NHSL1: variants seen among roughly 807,000 people sequenced by gnomAD.
NHSL1 encodes NHS-like protein 1.
A neutral mutation model predicts 95.0 loss-of-function variants in NHSL1; 48 were observed. The observed-to-expected ratio is 0.51, with a 90% confidence interval of 0.40 to 0.64. NHSL1 has a LOEUF of 0.64. NHSL1 is among the 30% of genes least tolerant of loss of function. The pLI is 0.00. For missense variants in NHSL1, 1,971 were observed against 2,077.7 expected (o/e 0.95, Z 1.00); for synonymous variants, 783 against 833.9 (o/e 0.94, Z 1.05).
chr6:138,514,163 CA>C (rs1319374491), intron 1 of NHSL1, among the ~76,000 whole-genome samples: 2 of 151,786 alleles, frequency 1.3e-5, no homozygotes, highest in Non-Finnish European at 2.9e-5. Flanking sequence ...CTAAAAATAA[CA>C]AAAATTAGCC....
At chr6:138,480,505 C>T (rs1583271351) in intron 2 of NHSL1, among the ~76,000 whole-genome samples, 1 of 152,162 alleles carries the variant, frequency 6.6e-6, no homozygotes, top group South Asian at 2.1e-4. Context: ...GGCCAGTTGT[C>T]ATTTTTCCGG....
At position 138,568,112 on chromosome 6, in the gene NHSL1, C is replaced by T. The variant is rs115045376; in HGVS notation, c.202+3598G>A. Among the ~76,000 whole-genome samples, 766 of 152,324 alleles carry T rather than the reference C, an allele frequency of 5.0e-3. 9 individuals are homozygous for T. Among genetic ancestry groups the T allele is most frequent in the African/African-American group, 0.017 (726 of 41,570 alleles). On this transcript the variant is annotated intron_variant, in intron 1 of 6. Transcript: ENST00000427025. ...TCCACAGTGCTGGAAAAGCAGCAGG[C>T]ACTCATTAAATCTTGTTCAGTTAAA...
chr6:138,618,957 C>T (rs1210852670), intron 1 of NHSL1, among the ~76,000 whole-genome samples: 1 of 152,200 alleles, frequency 6.6e-6, no homozygotes, highest in Non-Finnish European at 1.5e-5. Context: ...TGTCACTCTA[C>T]CTGCTGCAGG....
upstream of NHSL1, among the ~76,000 whole-genome samples, chr6:138,573,146 C>G (rs1783901594): frequency 6.6e-6 from 1 of 152,178 alleles, no homozygotes; most frequent in South Asian, 2.1e-4. Context: ...CACAAAGAGT[C>G]ATCAGAGAGC....
Position 138,464,121 on chromosome 6 carries a change from C to A in NHSL1, c.339+9185G>T, listed in dbSNP as rs571533433. 5 of 537,116 alleles carry A rather than the reference C, an allele frequency of 9.3e-6. No homozygotes were observed. In the African/African-American group the frequency reaches 9.7e-5, roughly 10 times the overall value. The allele number at this position is 537,116 out of a possible 1,614,324, so 33.3% of individuals were successfully genotyped here. On this transcript the variant is annotated intron_variant, in intron 3 of 7. Coordinates refer to ENST00000343505, the MANE Select transcript of NHSL1 (RefSeq NM_001144060.2). ...GTCAGGTGTTCAGCTATCCTCACCG[C>A]TATCTGGTCCTCGATCTCACTCCGT... is the stretch of plus-strand genomic sequence containing the variant.
chr6:138,554,701 T>A (rs538477867), intron 1 of NHSL1, among the ~76,000 whole-genome samples: 5 of 152,242 alleles, frequency 3.3e-5, no homozygotes, highest in Admixed American at 2.0e-4. Context: ...GTTTAAAATA[T>A]TGTGTTTTGA....
chr6:138,629,348 G>T (rs1784785294), intron 1 of NHSL1, among the ~76,000 whole-genome samples: 1 of 151,842 alleles, frequency 6.6e-6, no homozygotes, highest in African/African-American at 2.4e-5. Context: ...TTTATTTGTT[G>T]CCCAATAATT....
intron 1 of NHSL1, among the ~76,000 whole-genome samples, chr6:138,655,048 A>C (rs1040605606): frequency 6.6e-6 from 1 of 152,210 alleles, no homozygotes; most frequent in Non-Finnish European, 1.5e-5. Context: ...AATCCATAAC[A>C]TATTCACCCA....
At chr6:138,477,337 C>T (rs1041584867) in intron 2 of NHSL1, among the ~76,000 whole-genome samples, 10 of 152,216 alleles carry the variant, frequency 6.6e-5, no homozygotes, top group African/African-American at 2.4e-4. Flanking sequence ...TAGTGGGTCA[C>T]ACCTGTAATC....
chr6:138,549,294 A>G (rs1782916542), upstream of NHSL1, among the ~76,000 whole-genome samples: 1 of 152,198 alleles, frequency 6.6e-6, no homozygotes, highest in Non-Finnish European at 1.5e-5. Context: ...GAGGCAGGAG[A>G]ATTGCTTGAA....
intron 1 of NHSL1, among the ~76,000 whole-genome samples, chr6:138,516,301 C>G (rs1781458815): frequency 6.6e-6 from 1 of 152,146 alleles, no homozygotes; most frequent in Admixed American, 6.6e-5. Flanking sequence ...GATAACAGCT[C>G]CTTTGGCCAG....
At chr6:138,454,419 C>T (rs1028189041) in intron 3 of NHSL1, among the ~76,000 whole-genome samples, 1 of 152,118 alleles carries the variant, frequency 6.6e-6, no homozygotes. Flanking sequence ...ATTATCTCAA[C>T]AATGCAAAAC....
At chr6:138,606,927 T>A (rs1340595216) in intron 1 of NHSL1, among the ~76,000 whole-genome samples, 4 of 151,838 alleles carry the variant, frequency 2.6e-5, no homozygotes, top group Non-Finnish European at 5.9e-5. Context: ...ATGGTCTCGA[T>A]CTCCTGACCT....
intron 2 of NHSL1, among the ~76,000 whole-genome samples, chr6:138,487,110 C>G (rs17067662): frequency 0.068 from 10,224 of 151,320 alleles, 399 homozygotes; most frequent in Non-Finnish European, 0.086. Flanking sequence ...TATCATTACA[C>G]GTGAAGGCAC....
intron 1 of NHSL1, among the ~76,000 whole-genome samples, chr6:138,666,788 A>T (rs551591993): frequency 1.3e-5 from 2 of 152,208 alleles, no homozygotes; most frequent in Non-Finnish European, 2.9e-5. Context: ...GAATGTGAGG[A>T]TGGACACTCA....
At chr6:138,614,321 C>T (rs184643813) in intron 1 of NHSL1, among the ~76,000 whole-genome samples, 8 of 152,168 alleles carry the variant, frequency 5.3e-5, no homozygotes, top group African/African-American at 9.7e-5. Context: ...AGATGACAAA[C>T]GTACACTAAG....
intron 7 of NHSL1, among the ~76,000 whole-genome samples, chr6:138,427,138 A>G (rs1775317546): frequency 6.6e-6 from 1 of 152,198 alleles, no homozygotes; most frequent in Non-Finnish European, 1.5e-5. Context: ...TTAGATTTTA[A>G]ACGGTGAGAG....
At chr6:138,621,901 T>C (rs1784669683) in intron 1 of NHSL1, among the ~76,000 whole-genome samples, 1 of 152,186 alleles carries the variant, frequency 6.6e-6, no homozygotes, top group South Asian at 2.1e-4. Flanking sequence ...TCCAGATCCC[T>C]CTCCTGCCAT....
intron 2 of NHSL1, among the ~76,000 whole-genome samples, chr6:138,481,367 T>A (rs1779408677): frequency 6.6e-6 from 1 of 152,216 alleles, no homozygotes. Context: ...CATACTGATA[T>A]AGTTAGGATT....
Sources: allele counts gnomAD v4.1 joint callset (sites outside exome capture counted in the v4.1 genomes callset), GRCh38; gene constraint gnomAD v4.1.1; transcripts MANE v1.5; gene names NCBI Gene and HGNC (gene_info 2026-07-23, HGNC 2026-07-21).